WWC2: variants seen among roughly 807,000 people sequenced by gnomAD.
WWC2 encodes the protein WW and C2 domain containing 2.
A neutral mutation model predicts 138.5 loss-of-function variants in WWC2; 101 were observed. The observed-to-expected ratio is 0.73, with a 90% confidence interval of 0.62 to 0.86. WWC2 has a LOEUF of 0.86. WWC2 is among the 40% of genes least tolerant of loss of function. WWC2 has a pLI of 0.00. For synonymous variants in WWC2, 558 were observed against 538.4 expected (o/e 1.04, Z -0.50); for missense variants, 1,420 against 1,419.4 (o/e 1.00, Z -0.01).
chr4:183,280,927 A>G (rs1233921103), intron 17 of WWC2, 30 bp downstream of exon 17: 32 of 1,540,962 alleles, frequency 2.1e-5, no homozygotes, highest in Non-Finnish European at 2.7e-5. Context: ...TGCTGTTGGG[A>G]GCTCAAAGAT....
chr4:183,136,114 G>T (rs1212289352), intron 1 of WWC2, among the ~76,000 whole-genome samples: 2 of 152,106 alleles, frequency 1.3e-5, no homozygotes, highest in East Asian at 3.9e-4. Flanking sequence ...TGCTTCTTGA[G>T]ATCCACTAGG....
chr4:183,202,555 A>G (rs1251930266), intron 2 of WWC2, among the ~76,000 whole-genome samples: 1 of 152,206 alleles, frequency 6.6e-6, no homozygotes, highest in Non-Finnish European at 1.5e-5. Flanking sequence ...GTATAAATAC[A>G]TATGTGGTGG....
intron 11 of WWC2, among the ~76,000 whole-genome samples, chr4:183,263,815 G>T (rs182867628): frequency 6.6e-6 from 1 of 152,088 alleles, no homozygotes; most frequent in African/African-American, 2.4e-5. Flanking sequence ...TTCAGGGGAC[G>T]TCTGCCCTGC....
intron 1 of WWC2, among the ~76,000 whole-genome samples, chr4:183,192,684 A>G (rs1426060614): frequency 2.6e-5 from 4 of 152,180 alleles, no homozygotes; most frequent in African/African-American, 9.7e-5. Flanking sequence ...GATAAAAGGG[A>G]TTCCAGGAGA....
At chr4:183,302,739 C>T (rs1204617420) in intron 21 of WWC2, among the ~76,000 whole-genome samples, 2 of 152,134 alleles carry the variant, frequency 1.3e-5, no homozygotes, top group Non-Finnish European at 2.9e-5. Flanking sequence ...CCCACTGTCC[C>T]TCAAGACACA....
chr4:183,243,910 TAGTTACTAAAAC>T (rs1486219150), intron 5 of WWC2, among the ~76,000 whole-genome samples: 7 of 152,184 alleles, frequency 4.6e-5, no homozygotes, highest in African/African-American at 1.2e-4. Flanking sequence ...CAGCATAAGA[TAGTTACTAAAAC>T]AGTGCTTGGG....
intron 2 of WWC2, among the ~76,000 whole-genome samples, chr4:183,195,363 AT>A (rs1334233664): frequency 1.3e-5 from 2 of 152,314 alleles, no homozygotes; most frequent in Admixed American, 6.5e-5. Flanking sequence ...TGGTACCAAA[AT>A]GAGAAAAGAA....
chr4:183,124,940 T>G (rs1430619975), intron 1 of WWC2, among the ~76,000 whole-genome samples: 4 of 152,160 alleles, frequency 2.6e-5, no homozygotes, highest in African/African-American at 9.7e-5. Context: ...TGGAAATGAT[T>G]AAACACACTA....
intron 1 of WWC2, among the ~76,000 whole-genome samples, chr4:183,179,894 G>A (rs1332640610): frequency 2.6e-5 from 4 of 152,136 alleles, no homozygotes; most frequent in African/African-American, 4.8e-5. Flanking sequence ...TGAAACAACC[G>A]CTAGGAACTC....
intron 1 of WWC2, among the ~76,000 whole-genome samples, chr4:183,150,554 AATT>A (rs1417086515): frequency 1.3e-5 from 2 of 152,046 alleles, no homozygotes; most frequent in African/African-American, 4.8e-5. Flanking sequence ...AACTTTTTAA[AATT>A]ATTATACTTT....
chr4:183,147,659 AG>A (rs1420650639), intron 1 of WWC2, among the ~76,000 whole-genome samples: 1 of 152,248 alleles, frequency 6.6e-6, no homozygotes. Flanking sequence ...CTTAGGATCA[AG>A]CTGAAATGTT....
In WWC2 at chr4:183,116,320, T is replaced by C. The variant is rs138261915; in HGVS notation, c.131+16698T>C. 2.9e-3 allele frequency among the ~76,000 whole-genome samples: 440 copies of C among 152,344 alleles called. 2 individuals carry two copies. Among genetic ancestry groups the C allele is most frequent in the African/African-American group, 0.01 (423 of 41,576 alleles). On this transcript the variant is annotated intron_variant, in intron 1 of 22. Coordinates refer to ENST00000403733, the MANE Select transcript of WWC2 (RefSeq NM_024949.6). ...GCCCTTCACATATTTATCTCAAGCTTCATGAGGGCAGGTATTGTGTCTGTC... is the reference window on the plus strand; with the variant it reads ...GCCCTTCACATATTTATCTCAAGCTCCATGAGGGCAGGTATTGTGTCTGTC...
chr4:183,198,674 C>CCCAAGAT (rs1735216028), intron 2 of WWC2, among the ~76,000 whole-genome samples: 24 of 150,266 alleles, frequency 1.6e-4, no homozygotes, highest in Admixed American at 1.5e-3. Flanking sequence ...TTCTTTGAAG[C>CCCAAGAT]TGAGCATGGT....
intron 20 of WWC2, among the ~76,000 whole-genome samples, chr4:183,287,318 C>T (rs1438785805): frequency 3.9e-5 from 6 of 152,156 alleles, no homozygotes; most frequent in Non-Finnish European, 2.9e-5. Flanking sequence ...TTTCAGGTTA[C>T]CAAACTTTAT....
At chr4:183,117,194 C>T (rs1208725049) in intron 1 of WWC2, among the ~76,000 whole-genome samples, 1 of 151,048 alleles carries the variant, frequency 6.6e-6, no homozygotes, top group Non-Finnish European at 1.5e-5. Context: ...AGTGGAGTTC[C>T]AGCTCTTCCA....
At position 183,261,115 on chromosome 4, in the gene WWC2, C is replaced by G; in HGVS notation, c.1492C>G (p.Pro498Ala). 1.2e-6 allele frequency: 2 copies of G among 1,613,988 alleles called. No individual in the cohort carries two copies. Among genetic ancestry groups the G allele is most frequent in the Non-Finnish European group, 1.7e-6 (2 of 1,179,876 alleles). ...TCTGCAAGAGAAAAGCGGTTACATT[C>G]CTTCTGGACCCATCACCACCATCCA... ...FLLQEKSGYI[P>A]SGPITTIHEN... Residue 498 changes from proline (P) to alanine (A), a missense_variant, in exon 11 of 23, where the codon CCT becomes GCT. Transcript: ENST00000403733.
chr4:183,271,313 A>G (rs1212048291), intron 16 of WWC2, 72 bp downstream of exon 16: 64 of 1,273,888 alleles, frequency 5.0e-5, no homozygotes, highest in Middle Eastern at 2.8e-4. Context: ...TGAAAGTAAT[A>G]TGAAATATGG....
intron 21 of WWC2, among the ~76,000 whole-genome samples, chr4:183,311,919 G>C (rs1251875141): frequency 6.6e-6 from 1 of 152,048 alleles, no homozygotes; most frequent in South Asian, 2.1e-4. Flanking sequence ...TAAATAAACA[G>C]CTTTTTAAAT....
chr4:183,264,942 A>T (rs1475600539), intron 11 of WWC2, 36 bp from the exon 12 acceptor site: 3 of 1,583,162 alleles, frequency 1.9e-6, no homozygotes, highest in Non-Finnish European at 2.6e-6. Flanking sequence ...TCCAAATAAG[A>T]CATTCTGATT....
Sources: allele counts gnomAD v4.1 joint callset (sites outside exome capture counted in the v4.1 genomes callset), GRCh38; gene constraint gnomAD v4.1.1; transcripts MANE v1.5; gene names NCBI Gene and HGNC (gene_info 2026-07-23, HGNC 2026-07-21).